Variants in CFAP58 observed in about 807,000 individuals in gnomAD.
The protein encoded by CFAP58 is cilia and flagella associated protein 58.
Under a neutral mutation model 119.5 loss-of-function variants are expected in CFAP58, and 88 were observed. The ratio of observed to expected loss-of-function variants is 0.74; its 90% CI spans 0.62 to 0.88. The LOEUF (loss-of-function observed/expected upper bound fraction) is 0.88. Among genes scored for constraint, CFAP58 ranks in the 40% least tolerant of loss-of-function variants. The pLI is 0.00. For synonymous variants in CFAP58, 365 were observed against 366.3 expected, an observed-to-expected ratio of 1.00 and a Z score of 0.04; for missense variants, 990 against 1,021.2, an observed-to-expected ratio of 0.97 and a Z score of 0.42.
chr10:104,400,719 C>G lies in CFAP58; in HGVS notation c.1855C>G (p.Arg619Gly), dbSNP rs377507907. The G allele has an allele frequency of 1.2e-6, 2 of 1,614,014 alleles. No individual in the cohort carries two copies. The highest frequency in any genetic ancestry group is 1.7e-5 in the Admixed American group (1 of 60,022). ...AGATATCCTGGGGTCTCAGCTTGTT[C>G]GGCGCAATGATGAGTTAGCTTTGCT... is the stretch of plus-strand genomic sequence containing the variant. ...ERDILGSQLV[R>G]RNDELALLYE... is the part of the protein sequence containing the mutation. The change falls in exon 13 of 18, where the codon CGG (arginine) becomes GGG (glycine). Residue 619 changes from arginine to glycine, a missense_variant. Coordinates refer to ENST00000369704, the MANE Select transcript of CFAP58 (RefSeq NM_001008723.2).
chr10:104,387,972 C>A (rs2011958245), intron 9 of CFAP58, among the ~76,000 whole-genome samples: 1 of 152,136 alleles, frequency 6.6e-6, no homozygotes, highest in South Asian at 2.1e-4. Flanking sequence ...AATGTGCTTT[C>A]AAGGACTTAA....
Position 104,368,466 on chromosome 10 carries a change from T to A in CFAP58, c.836T>A (p.Met279Lys), listed in dbSNP as rs1368583449. Reference protein sequence around the residue: ...RAAKELEQFQMRNAKLQQENE... With the variant: ...RAAKELEQFQKRNAKLQQENE... ...GCAAAGGAACTCGAGCAATTTCAGA[T>A]GAGAAATGCTAAACTTCAGCAAGAG... The change falls in exon 6 of 18, where the codon ATG becomes AAG. Residue 279 changes from methionine to lysine, a missense_variant. Physicochemically the swap from Met to Lys is moderately conservative, Grantham distance 95 (BLOSUM62 -1). Coordinates refer to ENST00000369704, the MANE Select transcript of CFAP58 (RefSeq NM_001008723.2). 10 of 1,613,594 alleles carry A rather than the reference T, an allele frequency of 6.2e-6. No homozygotes were observed. The highest frequency in any genetic ancestry group is 5.3e-5 in the African/African-American group (4 of 74,878).
chr10:104,358,767 A>G lies in CFAP58; in HGVS notation c.291+145A>G, dbSNP rs527513565. 1.7e-5 allele frequency: 11 copies of G among 650,240 alleles called. No homozygotes were observed. The East Asian group carries it at 2.7e-4, about 16-fold the overall frequency. The allele number at this position is 650,240 out of a possible 1,614,324, so 40.3% of individuals were successfully genotyped here. A position where few individuals can be genotyped will look rare whatever the true frequency, so the allele number is the denominator to read the frequency against. Reference sequence around the variant, plus strand: ...TCATTAAGCCTAAGGAATAATGTTCATTTTCAAAGAAAATGATTTTTTAGC... The same window carrying G: ...TCATTAAGCCTAAGGAATAATGTTCGTTTTCAAAGAAAATGATTTTTTAGC... On this transcript the variant is annotated intron_variant, in intron 2 of 17. Coordinates refer to ENST00000369704, the MANE Select transcript of CFAP58 (RefSeq NM_001008723.2).
At chr10:104,361,391 C>A (rs117865611) in intron 2 of CFAP58, among the ~76,000 whole-genome samples, 1 of 152,106 alleles carries the variant, frequency 6.6e-6, no homozygotes, top group Non-Finnish European at 1.5e-5. Context: ...TAAAGAACAT[C>A]GTTGTGTGGA....
intron 13 of CFAP58, among the ~76,000 whole-genome samples, chr10:104,403,003 A>G (rs1416677067): frequency 6.6e-6 from 1 of 152,146 alleles, no homozygotes. Flanking sequence ...ACTTATTACC[A>G]CTATAGAGAC....
upstream of CFAP58, among the ~76,000 whole-genome samples, chr10:104,351,274 G>T (rs1053443029): frequency 6.6e-6 from 1 of 152,204 alleles, no homozygotes; most frequent in African/African-American, 2.4e-5. Context: ...TACAGTGTCA[G>T]GTCATGAATG....
chr10:104,341,158 C>T, the CFAP58 span, among the ~76,000 whole-genome samples: 2 of 152,060 alleles, frequency 1.3e-5, no homozygotes, highest in Non-Finnish European at 2.9e-5. Flanking sequence ...GTTGTTTATC[C>T]TGGTCCCTAG....
At chr10:104,376,247 G>T (rs2133006076) in intron 7 of CFAP58, among the ~76,000 whole-genome samples, 1 of 151,936 alleles carries the variant, frequency 6.6e-6, no homozygotes, top group East Asian at 1.9e-4. Context: ...AGAATTTATG[G>T]TTTGTAGGGC....
At chr10:104,383,904 A>T (rs1208648819) in intron 9 of CFAP58, among the ~76,000 whole-genome samples, 1 of 152,208 alleles carries the variant, frequency 6.6e-6, no homozygotes, top group Non-Finnish European at 1.5e-5. Flanking sequence ...TAAAGTGAGT[A>T]TACATTGTTC....
intron 11 of CFAP58, 134 bp downstream of exon 11, chr10:104,393,609 A>G (rs947967103): frequency 6.6e-6 from 5 of 761,366 alleles, no homozygotes; most frequent in African/African-American, 5.3e-5. Context: ...TAGTTACCCA[A>G]ACCAAGCACA....
At chr10:104,348,198 A>C in the CFAP58 span, among the ~76,000 whole-genome samples, 15 of 152,124 alleles carry the variant, frequency 9.9e-5, no homozygotes, top group African/African-American at 3.6e-4. Context: ...GATGATACAG[A>C]CACCCCCAAA....
chr10:104,440,412 G>C (rs2013019062), intron 15 of CFAP58, among the ~76,000 whole-genome samples: 1 of 152,108 alleles, frequency 6.6e-6, no homozygotes, highest in Non-Finnish European at 1.5e-5. Context: ...CCGGTAATCT[G>C]ATACCCATCC....
At chr10:104,356,362 C>T (rs1168592187) in intron 1 of CFAP58, among the ~76,000 whole-genome samples, 1 of 152,214 alleles carries the variant, frequency 6.6e-6, no homozygotes, top group Non-Finnish European at 1.5e-5. Context: ...AACTAGACTC[C>T]TTAAAATCTT....
chr10:104,428,330 C>T (rs1017052345), intron 15 of CFAP58, among the ~76,000 whole-genome samples: 2 of 151,876 alleles, frequency 1.3e-5, no homozygotes, highest in African/African-American at 2.4e-5. Flanking sequence ...GCCAAGGGCC[C>T]CAAAGGGAAG....
Position 104,399,508 on chromosome 10 carries a change from A to T in CFAP58, c.1815+8A>T, listed in dbSNP as rs1253934813. 6.2e-7 allele frequency: 1 copy of T among 1,612,730 alleles called. No individual in the cohort carries two copies. Among genetic ancestry groups the T allele is most frequent in the Admixed American group, 1.7e-5 (1 of 59,796 alleles). ...AAGAAGGAATTAGACCAGGTAGAGC[A>T]TCTCCTTGTCAGACTTGCAGACCTT... is the stretch of plus-strand genomic sequence containing the variant. On this transcript the variant is annotated splice_region_variant and intron_variant, in intron 12 of 17. Transcript: ENST00000369704.
intron 15 of CFAP58, among the ~76,000 whole-genome samples, chr10:104,424,236 C>T (rs2012706721): frequency 6.6e-6 from 1 of 152,168 alleles, no homozygotes; most frequent in Non-Finnish European, 1.5e-5. Flanking sequence ...TCTTGACACA[C>T]AGTCTTCTCT....
rs774056181 is a variant in CFAP58, at chr10:104,364,740, G to A, written c.448G>A (p.Asp150Asn). ...LSMDQHSNIR[D>N]LLRFKEEVTK... ...TGTGTTCTTCCTTTTTAGCATCCGA[G>A]ATTTACTGAGGTTCAAAGAAGAAGT... The change falls in exon 4 of 18, where the codon GAT becomes AAT. Residue 150 changes from aspartate (D) to asparagine (N), a missense_variant. By Grantham distance (23) the Asp-to-Asn change is conservative. Transcript: ENST00000369704. 2 of 1,612,910 alleles carry A rather than the reference G, an allele frequency of 1.2e-6. No individual in the cohort carries two copies. Among genetic ancestry groups the A allele is most frequent in the Admixed American group, 1.7e-5 (1 of 59,816 alleles).
At chr10:104,365,729 C>G in intron 4 of CFAP58, 85 bp from the exon 5 acceptor site, 1 of 1,222,946 alleles carries the variant, frequency 8.2e-7, no homozygotes, top group Non-Finnish European at 1.1e-6. Context: ...AATCACAGAC[C>G]TGAGAGAGGA....
At chr10:104,358,072 T>C (rs1490783680) in intron 1 of CFAP58, among the ~76,000 whole-genome samples, 2 of 149,938 alleles carry the variant, frequency 1.3e-5, no homozygotes, top group African/African-American at 2.5e-5. Flanking sequence ...TATACACATA[T>C]GTACATATAT....
Sources: allele counts gnomAD v4.1 joint callset (sites outside exome capture counted in the v4.1 genomes callset), GRCh38; gene constraint gnomAD v4.1.1; transcripts MANE v1.5; gene names NCBI Gene and HGNC (gene_info 2026-07-23, HGNC 2026-07-21).